The following HAUS5 variants were observed in gnomAD, a reference collection of about 807,000 sequenced individuals.
HAUS5 encodes the protein HAUS augmin-like complex subunit 5.
A neutral mutation model predicts 94.1 loss-of-function variants in HAUS5; 67 were observed. The observed-to-expected ratio is 0.71, with a 90% CI of 0.58 to 0.87. HAUS5 has a LOEUF of 0.87. Ranked by LOEUF, HAUS5 falls within the 40% of genes least tolerant of loss-of-function variation. The pLI is 0.00. For synonymous variants in HAUS5, 339 were observed against 355.4 expected (o/e 0.95, Z 0.52); for missense variants, 739 against 825.6 (o/e 0.90, Z 1.29).
Position 35,619,498 on chromosome 19 carries a change from G to T in HAUS5, c.1254G>T (p.Pro418=), listed in dbSNP as rs193073168. ...SASKTRLCRS[P]GEVLALVQRK... Reference sequence around the variant, plus strand: ...GCAAGACCCGCCTGTGCCGGAGCCCGGGGGAGGTGAGATGGGAGTTGGGGT... The same window carrying T: ...GCAAGACCCGCCTGTGCCGGAGCCCTGGGGAGGTGAGATGGGAGTTGGGGT... The change falls in exon 14 of 19, where the codon CCG becomes CCT. Residue 418 remains proline (P), a synonymous_variant. Coordinates refer to ENST00000203166, the MANE Select transcript of HAUS5 (RefSeq NM_015302.2). 3 of 1,608,418 alleles carry T rather than the reference G, an allele frequency of 1.9e-6. No homozygotes were observed. The highest frequency in any genetic ancestry group is 1.7e-4 in the Middle Eastern group (1 of 6,018).
In HAUS5 at chr19:35,613,732, T is replaced by C; in HGVS notation, c.101T>C (p.Leu34Pro). The C allele has an allele frequency of 6.2e-7, 1 of 1,613,940 alleles. No homozygotes were observed. Among genetic ancestry groups the C allele is most frequent in the Non-Finnish European group, 8.5e-7 (1 of 1,179,838 alleles). ...ATGCTTACACACTGTCCCCACAGGC[T>C]GTGTCTGGGCCAGGGGGCTGACATC... ...ARAPESTLRR[L>P]CLGQGADIWA... Residue 34 changes from leucine to proline, a missense_variant and splice_region_variant, in exon 2 of 19, where the codon CTG becomes CCG. Leu to Pro is a moderately conservative substitution (Grantham distance 98, BLOSUM62 -3). Coordinates refer to ENST00000203166, the MANE Select transcript of HAUS5 (RefSeq NM_015302.2).
In HAUS5 at chr19:35,617,387, C is replaced by T. The variant is rs776186755; in HGVS notation, c.638+18C>T. The T allele has an allele frequency of 6.4e-7, 1 of 1,573,688 alleles. No homozygotes were observed. The highest frequency in any genetic ancestry group is 1.1e-5 in the South Asian group (1 of 90,174). On this transcript the variant is annotated intron_variant, in intron 8 of 18. Transcript: ENST00000203166. ...AGCCTCCCGTGAGTGTCCCTAGCCC[C>T]CAGAGACCCTGTAAAGACCCTGGGT...
At chr19:35,617,021 G>A in intron 6 of HAUS5, 103 bp from the exon 7 acceptor site, 1 of 923,430 alleles carries the variant, frequency 1.1e-6, no homozygotes, top group Non-Finnish European at 1.7e-6. Flanking sequence ...CGAGATCTAG[G>A]CTTAGTGATT....
At position 35,613,739 on chromosome 19, in the gene HAUS5, G is replaced by C; in HGVS notation, c.108G>C (p.Leu36=). Residue 36 remains leucine (L), a synonymous_variant, in exon 2 of 19, where the codon CTG becomes CTC. Coordinates refer to ENST00000203166, the MANE Select transcript of HAUS5 (RefSeq NM_015302.2). ...CACACTGTCCCCACAGGCTGTGTCT[G>C]GGCCAGGGGGCTGACATCTGGGCCT... The part of the protein sequence containing the change: ...APESTLRRLC[L]GQGADIWAYI... The C allele has an allele frequency of 6.2e-7, 1 of 1,614,048 alleles. No individual in the cohort carries two copies. Among genetic ancestry groups the C allele is most frequent in the Non-Finnish European group, 8.5e-7 (1 of 1,179,944 alleles).
chr19:35,618,202 G>C lies in HAUS5; in HGVS notation c.821+7G>C. 6.3e-7 allele frequency: 1 copy of C among 1,597,604 alleles called. No homozygotes were observed. Among genetic ancestry groups the C allele is most frequent in the South Asian group, 1.1e-5 (1 of 89,140 alleles). On this transcript the variant is annotated splice_region_variant and intron_variant, in intron 10 of 18. Transcript: ENST00000203166. ...GCGACACAGAGATATCCAGGTGTGG[G>C]GCAGGGTATTCTCACAGTTGGGGAA...
intron 17 of HAUS5, 69 bp downstream of exon 17, chr19:35,620,396 T>C: frequency 6.9e-7 from 1 of 1,454,598 alleles, no homozygotes; most frequent in Non-Finnish European, 9.5e-7. Context: ...CCACGAGTCC[T>C]TACCAGCAAC....
chr19:35,619,450 G>A lies in HAUS5; in HGVS notation c.1206G>A (p.Leu402=). ...AGGAGACCCAGGAACAGGTCCGCCT[G>A]CTCATCAAGGGAAACTCGGCCAGCA... The part of the protein sequence containing the change: ...LVEETQEQVR[L]LIKGNSASKT... The change falls in exon 14 of 19, where the codon CTG becomes CTA. Residue 402 remains leucine (L), a synonymous_variant. Transcript: ENST00000203166. The A allele has an allele frequency of 2.5e-6, 4 of 1,606,124 alleles. No individual in the cohort carries two copies. Among genetic ancestry groups the A allele is most frequent in the Non-Finnish European group, 3.4e-6 (4 of 1,175,786 alleles).
rs764338970 is a variant in HAUS5 at position 35,615,368 on chromosome 19, G to A, written c.467G>A (p.Arg156His). The A allele has an allele frequency of 9.3e-6, 15 of 1,608,770 alleles. No homozygotes were observed. Among genetic ancestry groups the A allele is most frequent in the Middle Eastern group, 1.6e-4 (1 of 6,074 alleles). The change falls in exon 6 of 19, where the codon CGC becomes CAC. Residue 156 changes from arginine to histidine, a missense_variant. Arg to His is a conservative substitution (Grantham distance 29). Transcript: ENST00000203166. ...CAGCGGCTGCAGAATCAACTGAGGC[G>A]CCTGCAGGACATGGAGAGGTGGGCC... ...PMQRLQNQLR[R>H]LQDMERKAKV...
intron 4 of HAUS5, 93 bp downstream of exon 4, chr19:35,614,152 G>A: frequency 8.9e-7 from 1 of 1,122,730 alleles, no homozygotes; most frequent in Non-Finnish European, 1.4e-6. Context: ...GTGATGCTGG[G>A]GACAATGGGT....
rs779556229 is a variant in HAUS5 at position 35,619,004 on chromosome 19, G to C, written c.1134G>C (p.Glu378Asp). 2.5e-6 allele frequency: 4 copies of C among 1,611,528 alleles called. No homozygotes were observed. The African/African-American group carries it at 5.3e-5, about 22-fold the overall frequency. The change falls in exon 13 of 19, where the codon GAG becomes GAC. Residue 378 changes from glutamate (E) to aspartate (D), a missense_variant. Transcript: ENST00000203166. Reference protein sequence around the residue: ...AAGHRQLLLRELQAKQQRILH... With the variant: ...AAGHRQLLLRDLQAKQQRILH... ...GGCATCGGCAGCTCCTGCTGAGGGA[G>C]CTACAGGCCAAACAGCAGCGGATCC...
At chr19:35,620,817 A>G (rs1354919999) in intron 17 of HAUS5, among the ~76,000 whole-genome samples, 4 of 152,248 alleles carry the variant, frequency 2.6e-5, no homozygotes, top group Admixed American at 6.5e-5. Flanking sequence ...GGACCCACAC[A>G]GGGCACTGAA....
Position 35,623,039 on chromosome 19 carries a change from AAC to A in HAUS5, c.*49_*50del. On this transcript the variant is annotated 3_prime_UTR_variant, in exon 19 of 19. Coordinates refer to ENST00000203166, the MANE Select transcript of HAUS5 (RefSeq NM_015302.2). ...CCGAGAACTTGACACTGTTCACCCCAACACCTCACCTCCCCCAGGACATTTGG... is the reference window on the plus strand; with the variant it reads ...CCGAGAACTTGACACTGTTCACCCCAACCTCACCTCCCCCAGGACATTTGG... 1 of 1,233,750 alleles carries A rather than the reference AAC, an allele frequency of 8.1e-7. No individual in the cohort carries two copies. The highest frequency in any genetic ancestry group is 1.2e-6 in the Non-Finnish European group (1 of 853,256). 76.4% of individuals were successfully genotyped at this position (1,233,750 alleles called of 1,614,324 possible).
At chr19:35,613,568 C>G (rs1379443235) in intron 1 of HAUS5, 162 bp from the exon 2 acceptor site, 1 of 533,402 alleles carries the variant, frequency 1.9e-6, no homozygotes, top group Non-Finnish European at 3.2e-6. Context: ...GAGACTGTCT[C>G]TTAAAAAAAA....
rs950167905 is a variant in HAUS5, at chr19:35,623,807, G to T, written c.*814G>T. On this transcript the variant is annotated 3_prime_UTR_variant, in exon 19 of 19. Coordinates refer to ENST00000203166, the MANE Select transcript of HAUS5 (RefSeq NM_015302.2). ...AGACACAGAAATGTCCTAGCTGATG[G>T]GAATGTGCTGTGTCAAGAGCAGCGG... The T allele has an allele frequency of 6.6e-6, 1 of 152,260 alleles. No homozygotes were observed. The highest frequency in any genetic ancestry group is 2.4e-5 in the African/African-American group (1 of 41,456). The allele number at this position is 152,260 out of a possible 1,614,324, so 9.4% of individuals were successfully genotyped here. A position where few individuals can be genotyped will look rare whatever the true frequency, so the allele number is the denominator to read the frequency against.
chr19:35,619,355 C>A, intron 13 of HAUS5, 69 bp from the exon 14 acceptor site: 1 of 1,278,464 alleles, frequency 7.8e-7, no homozygotes, highest in Non-Finnish European at 1.1e-6. Context: ...AGAAGCAGGA[C>A]CTAAGCAGAG....
At chr19:35,615,628 G>A (rs993287766) in intron 6 of HAUS5, among the ~76,000 whole-genome samples, 1 of 152,204 alleles carries the variant, frequency 6.6e-6, no homozygotes, top group African/African-American at 2.4e-5. Flanking sequence ...ACATGTCCCT[G>A]CCCTCCTGGA....
intron 6 of HAUS5, among the ~76,000 whole-genome samples, chr19:35,616,133 A>G (rs1350426375): frequency 6.6e-6 from 1 of 152,148 alleles, no homozygotes; most frequent in Non-Finnish European, 1.5e-5. Context: ...CCTGGCCAAC[A>G]TAGTGAAACC....
intron 4 of HAUS5, among the ~76,000 whole-genome samples, chr19:35,614,580 T>A (rs988631440): frequency 6.6e-6 from 1 of 151,908 alleles, no homozygotes; most frequent in Non-Finnish European, 1.5e-5. Flanking sequence ...CGAGACTCTA[T>A]CTCAAAAAAA....
Position 35,618,187 on chromosome 19 carries a change from G to A in HAUS5, c.813G>A (p.Glu271=). 2 of 1,601,946 alleles carry A rather than the reference G, an allele frequency of 1.2e-6. No individual in the cohort carries two copies. Among genetic ancestry groups the A allele is most frequent in the South Asian group, 1.1e-5 (1 of 89,912 alleles). The part of the protein sequence containing the change: ...LCSGDGLGDT[E]ISRPQAPDQS... ...GTGGGGATGGGCTTGGCGACACAGA[G>A]ATATCCAGGTGTGGGGCAGGGTATT... Residue 271 remains glutamate, a synonymous_variant, in exon 10 of 19, where the codon GAG becomes GAA. Coordinates refer to ENST00000203166, the MANE Select transcript of HAUS5 (RefSeq NM_015302.2).
Sources: allele counts gnomAD v4.1 joint callset (sites outside exome capture counted in the v4.1 genomes callset), GRCh38; gene constraint gnomAD v4.1.1; transcripts MANE v1.5; gene names NCBI Gene and HGNC (gene_info 2026-07-23, HGNC 2026-07-21).